NWD1: variants seen among roughly 807,000 people sequenced by gnomAD.
NWD1 encodes NACHT and WD repeat domain containing 1.
NWD1 carries 129 observed loss-of-function variants against 135.1 expected under a neutral mutation model. The ratio of observed to expected loss-of-function variants is 0.96; its 90% CI spans 0.83 to 1.11. The LOEUF (loss-of-function observed/expected upper bound fraction) is 1.11. Among genes scored for constraint, NWD1 ranks in the 50% least tolerant of loss-of-function variants. The pLI is 0.00. For missense variants in NWD1, 1,740 were observed against 1,851.3 expected, an observed-to-expected ratio of 0.94 and a Z score of 1.10; for synonymous variants, 773 against 786.0, an observed-to-expected ratio of 0.98 and a Z score of 0.28.
intron 3 of NWD1, among the ~76,000 whole-genome samples, chr19:16,731,870 T>C (rs898973411): frequency 1.3e-4 from 20 of 152,198 alleles, no homozygotes; most frequent in African/African-American, 3.9e-4. Flanking sequence ...CCGTAGATTC[T>C]GTAGTTGGTC....
Position 16,808,050 on chromosome 19 carries a change from C to T in NWD1, c.4201C>T (p.Gln1401Ter). 6.2e-7 allele frequency: 1 copy of T among 1,614,164 alleles called. No homozygotes were observed. Residue 1401 changes from glutamine to a stop codon, truncating the protein, a stop_gained, in exon 18 of 19, where the codon CAG (glutamine) becomes TAG (stop). Transcript: ENST00000524140. LOFTEE classifies it high-confidence loss of function. Reference protein sequence around the residue: ...VACVEVSHKEQLVVSGSEDAL... With the variant: ...VACVEVSHKE ...CTGTGTGGAGGTCAGCCACAAGGAGCAGCTGGTGGTCAGCGGGTCTGAGGA... is the reference window on the plus strand; with the variant it reads ...CTGTGTGGAGGTCAGCCACAAGGAGTAGCTGGTGGTCAGCGGGTCTGAGGA...
Position 16,749,350 on chromosome 19 carries a change from AG to A in NWD1, c.712del (p.Val238SerfsTer14). 1 of 1,613,738 alleles carries A rather than the reference AG, an allele frequency of 6.2e-7. No homozygotes were observed. The highest frequency in any genetic ancestry group is 8.5e-7 in the Non-Finnish European group (1 of 1,179,868). On this transcript the variant is annotated frameshift_variant, in exon 6 of 19. Transcript: ENST00000524140. LOFTEE classifies it high-confidence loss of function. ...LKSHITDMHP[G>X]VLKTHRLPWS... ...AAAGTCACATCACTGACATGCACCCAGGGGTCCTCAAGACCCACCGCCTGCC... is the reference window on the plus strand; with the variant it reads ...AAAGTCACATCACTGACATGCACCCAGGGTCCTCAAGACCCACCGCCTGCC...
chr19:16,782,031 T>C (rs1410491421), intron 12 of NWD1, among the ~76,000 whole-genome samples: 2 of 150,430 alleles, frequency 1.3e-5, no homozygotes, highest in African/African-American at 4.9e-5. Flanking sequence ...GAGGTGGTGC[T>C]TGCAGTGAGC....
intron 18 of NWD1, among the ~76,000 whole-genome samples, chr19:16,814,415 A>T (rs1971010424): frequency 6.6e-6 from 1 of 152,180 alleles, no homozygotes; most frequent in Admixed American, 6.6e-5. Context: ...AACCCTTATG[A>T]CACTAGTAGG....
In NWD1 at chr19:16,799,967, G is replaced by A. The variant is rs199771656; in HGVS notation, c.3541G>A (p.Gly1181Arg). 6.9e-5 allele frequency: 112 copies of A among 1,614,166 alleles called. No homozygotes were observed. Among genetic ancestry groups the A allele is most frequent in the Admixed American group, 2.2e-4 (13 of 60,010 alleles). Residue 1181 changes from glycine to arginine, a missense_variant, in exon 17 of 19, where the codon GGG (glycine) becomes AGG (arginine). Gly to Arg is a moderately radical substitution (Grantham distance 125). Transcript: ENST00000524140. Reference protein sequence around the residue: ...GAPVSLLARGGALVASASPQS... With the variant: ...GAPVSLLARGRALVASASPQS... ...CCCCGTGAGCCTGCTGGCCCGCGGC[G>A]GGGCTTTGGTGGCATCTGCTTCCCC... is the stretch of plus-strand genomic sequence containing the variant.
chr19:16,798,750 G>A (rs931156898), intron 16 of NWD1, among the ~76,000 whole-genome samples: 3 of 151,576 alleles, frequency 2.0e-5, no homozygotes, highest in South Asian at 4.2e-4. Flanking sequence ...CCTCAGCCTC[G>A]CAAGTAGCTG....
intron 1 of NWD1, among the ~76,000 whole-genome samples, chr19:16,722,162 G>C (rs1193472805): frequency 2.0e-5 from 3 of 151,904 alleles, no homozygotes; most frequent in African/African-American, 4.8e-5. Flanking sequence ...GCTAGGCATG[G>C]TGGTGTGTGC....
Position 16,736,705 on chromosome 19 carries a change from G to C in NWD1, c.153G>C (p.Glu51Asp), listed in dbSNP as rs1219062500. The stretch of plus-strand genomic sequence containing the variant: ...ACTTGACCACAGAACTCTGCTTGGA[G>C]GAGGTTGACCGGTGTTGGAAAACAT... Reference protein sequence around the residue: ...TDHLTTELCLEEVDRCWKTSI... With the variant: ...TDHLTTELCLDEVDRCWKTSI... Residue 51 changes from glutamate to aspartate, a missense_variant, in exon 4 of 19, where the codon GAG (glutamate) becomes GAC (aspartate). Physicochemically the swap from Glu to Asp is conservative, Grantham distance 45. Coordinates refer to ENST00000524140, the MANE Select transcript of NWD1 (RefSeq NM_001007525.5). 1 of 1,536,262 alleles carries C rather than the reference G, an allele frequency of 6.5e-7. No homozygotes were observed. The highest frequency in any genetic ancestry group is 8.7e-7 in the Non-Finnish European group (1 of 1,146,892).
chr19:16,763,722 C>T (rs1969106013), intron 8 of NWD1, 106 bp from the exon 9 acceptor site: 9 of 742,204 alleles, frequency 1.2e-5, no homozygotes, highest in South Asian at 3.1e-5. Flanking sequence ...ATTGCATTCT[C>T]GTCCACTCCA....
intron 3 of NWD1, among the ~76,000 whole-genome samples, chr19:16,732,257 A>C (rs1365727436): frequency 3.3e-5 from 5 of 150,632 alleles, no homozygotes; most frequent in Non-Finnish European, 7.4e-5. Context: ...GGTTACAGCC[A>C]TGTGCACCGT....
intron 6 of NWD1, 80 bp downstream of exon 6, chr19:16,750,491 G>A (rs2122813429): frequency 1.7e-6 from 2 of 1,160,296 alleles, no homozygotes; most frequent in East Asian, 2.6e-5. Context: ...GTCTGGCTAT[G>A]TCACCCAGGC....
chr19:16,753,403 A>G (rs973635759), intron 6 of NWD1, among the ~76,000 whole-genome samples: 5 of 152,188 alleles, frequency 3.3e-5, no homozygotes, highest in African/African-American at 1.2e-4. Flanking sequence ...ATAAAGCATG[A>G]TGATAAGGTG....
Position 16,808,231 on chromosome 19 carries a change from A to G in NWD1, c.4287+95A>G, listed in dbSNP as rs566446139. ...ACTAAGCACACACCATGGGCCATCG[A>G]CCAGGATGGGACTGGGGTGATGAAA... On this transcript the variant is annotated intron_variant, in intron 18 of 18. Coordinates refer to ENST00000524140, the MANE Select transcript of NWD1 (RefSeq NM_001007525.5). 23 of 1,177,230 alleles carry G rather than the reference A, an allele frequency of 2.0e-5. No homozygotes were observed. In the African/African-American group the frequency reaches 3.0e-4, roughly 15 times the overall value. 72.9% of individuals were successfully genotyped at this position (1,177,230 alleles called of 1,614,324 possible).
chr19:16,741,295 C>A (rs1454827945), intron 4 of NWD1, among the ~76,000 whole-genome samples: 2 of 152,202 alleles, frequency 1.3e-5, no homozygotes, highest in African/African-American at 2.4e-5. Flanking sequence ...TGCTGCTCCC[C>A]CTGCCTGCAA....
chr19:16,724,393 G>A lies in NWD1; in HGVS notation c.-77G>A, dbSNP rs1453823234. The A allele has an allele frequency of 6.6e-6, 1 of 152,204 alleles. No individual in the cohort carries two copies. The highest frequency in any genetic ancestry group is 1.9e-4 in the East Asian group (1 of 5,186). The allele number at this position is 152,204 out of a possible 1,614,324, so 9.4% of individuals were successfully genotyped here. Reference sequence around the variant, plus strand: ...CATGCGGCCGATGCCCTGGGAGGGAGACCACTTGCTTAAGTCCTCCAGGAG... The same window carrying A: ...CATGCGGCCGATGCCCTGGGAGGGAAACCACTTGCTTAAGTCCTCCAGGAG... On this transcript the variant is annotated 5_prime_UTR_variant, in exon 2 of 19. Transcript: ENST00000524140.
chr19:16,774,297 C>A (rs1969522331), intron 11 of NWD1, among the ~76,000 whole-genome samples: 2 of 150,962 alleles, frequency 1.3e-5, no homozygotes, highest in South Asian at 4.2e-4. Context: ...TCCATTTATC[C>A]ATCAATTCAT....
chr19:16,731,512 G>A (rs959546964), intron 3 of NWD1, among the ~76,000 whole-genome samples: 9 of 150,978 alleles, frequency 6.0e-5, no homozygotes, highest in Admixed American at 2.0e-4. Flanking sequence ...TCACCATGTT[G>A]GCCAGGATGG....
At position 16,749,717 on chromosome 19, in the gene NWD1, C is replaced by A. The variant is rs753875281; in HGVS notation, c.1075C>A (p.Pro359Thr). ...GATGTGCAAGCTGGCTGAGCAGATG[C>A]CAAGGCTGCTGGGGCACAAGACAGT... is the stretch of plus-strand genomic sequence containing the variant. ...ALMCKLAEQM[P>T]RLLGHKTVTV... is the part of the protein sequence containing the mutation. The change falls in exon 6 of 19, where the codon CCA (proline) becomes ACA (threonine). Residue 359 changes from proline (P) to threonine (T), a missense_variant. Pro to Thr is a conservative substitution (Grantham distance 38). Coordinates refer to ENST00000524140, the MANE Select transcript of NWD1 (RefSeq NM_001007525.5). 1 of 1,604,484 alleles carries A rather than the reference C, an allele frequency of 6.2e-7. No homozygotes were observed. The highest frequency in any genetic ancestry group is 1.1e-5 in the South Asian group (1 of 89,594).
rs111623091 is a variant in NWD1 at position 16,733,221 on chromosome 19, TA to T, written c.81+1956del. 6.9e-3 allele frequency among the ~76,000 whole-genome samples: 950 copies of T among 138,386 alleles called. 6 individuals carry two copies. Among genetic ancestry groups the T allele is most frequent in the South Asian group, 0.027 (118 of 4,352 alleles). The allele number at this position is 138,386 out of a possible 152,430, so 90.8% of individuals were successfully genotyped here. On this transcript the variant is annotated intron_variant, in intron 3 of 18. Coordinates refer to ENST00000524140, the MANE Select transcript of NWD1 (RefSeq NM_001007525.5). The stretch of plus-strand genomic sequence containing the variant: ...GGGTGCCAGATTGGGATGCTGTCTT[TA>T]AAAAAAAAAAAATCTGGGCCGGGCG...
Sources: allele counts gnomAD v4.1 joint callset (sites outside exome capture counted in the v4.1 genomes callset), GRCh38; gene constraint gnomAD v4.1.1; transcripts MANE v1.5; gene names NCBI Gene and HGNC (gene_info 2026-07-23, HGNC 2026-07-21).